The following NRF1 variants were observed in gnomAD, a reference collection of about 807,000 sequenced individuals.
NRF1 encodes nuclear respiratory factor 1.
A neutral mutation model predicts 58.5 loss-of-function variants in NRF1; 5 were observed. The observed-to-expected ratio is 0.09, with a 90% CI of 0.04 to 0.18. The LOEUF (loss-of-function observed/expected upper bound fraction) is 0.18. NRF1 is among the 10% of genes least tolerant of loss of function. The pLI is 1.00. For missense variants in NRF1, 288 were observed against 657.7 expected, an observed-to-expected ratio of 0.44 and a Z score of 6.15; for synonymous variants, 224 against 246.7, an observed-to-expected ratio of 0.91 and a Z score of 0.86.
At position 129,741,443 on chromosome 7, in the gene NRF1, A is replaced by C. The variant is rs1365633302; in HGVS notation, c.1349-13575A>C. Among the ~76,000 whole-genome samples the C allele has an allele frequency of 1.3e-5, 2 of 152,170 alleles. No homozygotes were observed. Among genetic ancestry groups the C allele is most frequent in the Admixed American group, 6.5e-5 (1 of 15,272 alleles). ...TCCAGCTCCTTATAAACCAAGACTG[A>C]ATCTTGTGCCTGTCATTGTGAGCGC... On this transcript the variant is annotated intron_variant, in intron 10 of 10. Coordinates refer to ENST00000393232, the MANE Select transcript of NRF1 (RefSeq NM_005011.5). The surrounding 1 kb of genome is among the most constrained non-coding windows in gnomAD (Gnocchi z 4.0).
chr7:129,720,636 G>A (rs1008773319), intron 9 of NRF1, among the ~76,000 whole-genome samples: 2 of 152,150 alleles, frequency 1.3e-5, no homozygotes, highest in South Asian at 2.1e-4. Context: ...AGGAAGCTAC[G>A]TGCAATGGCA....
intron 5 of NRF1, among the ~76,000 whole-genome samples, chr7:129,706,403 A>T (rs1305829482): frequency 6.6e-6 from 1 of 152,218 alleles, no homozygotes; most frequent in Admixed American, 6.5e-5. Flanking sequence ...TGGGCCAAAA[A>T]ATTAGAATAA....
intron 1 of NRF1, among the ~76,000 whole-genome samples, chr7:129,640,260 T>C (rs1801259885): frequency 6.6e-6 from 1 of 152,210 alleles, no homozygotes; most frequent in African/African-American, 2.4e-5. Context: ...TTCATGCCTG[T>C]AATCCAAGTA....
At chr7:129,743,544 G>T (rs1222933987) in intron 10 of NRF1, among the ~76,000 whole-genome samples, 1 of 152,172 alleles carries the variant, frequency 6.6e-6, no homozygotes, top group East Asian at 1.9e-4. Context: ...CCTGGAGAAA[G>T]CCCACGTAAA....
intron 10 of NRF1, among the ~76,000 whole-genome samples, chr7:129,750,086 G>C (rs188014365): frequency 2.8e-4 from 43 of 152,276 alleles, no homozygotes; most frequent in South Asian, 4.1e-4. Flanking sequence ...GGCTCAGAAA[G>C]GGGCTGTACT....
At chr7:129,686,756 G>T (rs1230651677) in intron 4 of NRF1, among the ~76,000 whole-genome samples, 1 of 152,218 alleles carries the variant, frequency 6.6e-6, no homozygotes, top group Non-Finnish European at 1.5e-5. Context: ...TTTGATTTAA[G>T]TGGTTGTTTA....
At chr7:129,644,912 C>G (rs1420582463) in intron 1 of NRF1, among the ~76,000 whole-genome samples, 1 of 152,036 alleles carries the variant, frequency 6.6e-6, no homozygotes, top group African/African-American at 2.4e-5. Flanking sequence ...TAGCATTTTT[C>G]TAGGGAGGAG....
At chr7:129,717,848 A>G (rs950626531) in intron 9 of NRF1, among the ~76,000 whole-genome samples, 10 of 152,234 alleles carry the variant, frequency 6.6e-5, no homozygotes, top group African/African-American at 2.4e-4. Context: ...CAAGGGATAC[A>G]GAACAAATTA....
At chr7:129,707,379 C>G (rs1802974122) in intron 5 of NRF1, among the ~76,000 whole-genome samples, 1 of 152,148 alleles carries the variant, frequency 6.6e-6, no homozygotes, top group African/African-American at 2.4e-5. Context: ...ATAAAGAATT[C>G]TCCTTTTTGG....
At chr7:129,705,759 A>T (rs1018725563) in intron 5 of NRF1, among the ~76,000 whole-genome samples, 2 of 151,978 alleles carry the variant, frequency 1.3e-5, no homozygotes, top group Non-Finnish European at 2.9e-5. Context: ...CTACAAAAAG[A>T]AAAAAAAGAA....
chr7:129,656,409 T>C (rs948536480), intron 1 of NRF1, among the ~76,000 whole-genome samples: 3 of 152,104 alleles, frequency 2.0e-5, no homozygotes, highest in Middle Eastern at 3.4e-3. Context: ...TCTATATATA[T>C]GTATGCTCCA....
chr7:129,755,448 G>A lies in NRF1; in HGVS notation c.*267G>A. ...TGGCAGGACTTCTTTCTGCGGAAATGTGTGTGTATACTTATGTGTGTGTAT... is the reference window on the plus strand; with the variant it reads ...TGGCAGGACTTCTTTCTGCGGAAATATGTGTGTATACTTATGTGTGTGTAT... On this transcript the variant is annotated 3_prime_UTR_variant, in exon 11 of 11. Coordinates refer to ENST00000393232, the MANE Select transcript of NRF1 (RefSeq NM_005011.5). The surrounding 1 kb of genome is among the most constrained non-coding windows in gnomAD (Gnocchi z 5.8). 5.4e-6 allele frequency: 2 copies of A among 373,426 alleles called. No homozygotes were observed. Among genetic ancestry groups the A allele is most frequent in the South Asian group, 5.7e-5 (2 of 35,102 alleles). The allele number at this position is 373,426 out of a possible 1,614,324, so 23.1% of individuals were successfully genotyped here.
At chr7:129,660,200 G>A (rs1055503560) in intron 2 of NRF1, among the ~76,000 whole-genome samples, 8 of 152,060 alleles carry the variant, frequency 5.3e-5, no homozygotes, top group East Asian at 1.9e-4. Context: ...ACCTCCCACC[G>A]GGTCCTTCCC....
chr7:129,652,735 C>T (rs975542556), intron 1 of NRF1, among the ~76,000 whole-genome samples: 5 of 152,118 alleles, frequency 3.3e-5, no homozygotes, highest in Non-Finnish European at 5.9e-5. Flanking sequence ...GGACTGCAGG[C>T]GCCCGCCACC....
intron 2 of NRF1, among the ~76,000 whole-genome samples, chr7:129,661,680 AT>A (rs1431156968): frequency 1.3e-5 from 2 of 150,822 alleles, no homozygotes; most frequent in Non-Finnish European, 2.9e-5. Context: ...CACTATCAGC[AT>A]TTTGGGCAAA....
intron 9 of NRF1, among the ~76,000 whole-genome samples, chr7:129,722,360 C>T (rs1000586206): frequency 6.0e-5 from 9 of 150,958 alleles, no homozygotes; most frequent in Non-Finnish European, 1.2e-4. Context: ...CAGTGCACTC[C>T]AGCCTGGGCC....
rs143882672 is a variant in NRF1, at chr7:129,657,483, G to T, written c.132G>T (p.Ser44=). The T allele has an allele frequency of 1.5e-4, 238 of 1,613,892 alleles. No individual in the cohort carries two copies. The highest frequency in any genetic ancestry group is 1.9e-4 in the Non-Finnish European group (220 of 1,180,010). The part of the protein sequence containing the change: ...EHSMLSADED[S]PSSPEDTSYD... Reference sequence around the variant, plus strand: ...GTATGCTGAGTGCTGATGAAGACTCGCCTTCTTCTCCCGAGGACACCTCTT... The same window carrying T: ...GTATGCTGAGTGCTGATGAAGACTCTCCTTCTTCTCCCGAGGACACCTCTT... The change falls in exon 2 of 11, where the codon TCG becomes TCT. Residue 44 remains serine (S), a synonymous_variant. Coordinates refer to ENST00000393232, the MANE Select transcript of NRF1 (RefSeq NM_005011.5).
rs143145418 is a variant in NRF1 at position 129,625,044 on chromosome 7, G to T, written c.-7+13220G>T. On this transcript the variant is annotated intron_variant, in intron 1 of 10. Coordinates refer to ENST00000393232, the MANE Select transcript of NRF1 (RefSeq NM_005011.5). ...TCTCTCACAGTTCTGGAGGCTAGGA[G>T]TCTGGAATCAAGGTGTTCACAGGGT... Among the ~76,000 whole-genome samples, 287 of 152,260 alleles carry T rather than the reference G, an allele frequency of 1.9e-3. 1 individual carries two copies. The highest frequency in any genetic ancestry group is 3.0e-3 in the Non-Finnish European group (207 of 68,012).
intron 5 of NRF1, among the ~76,000 whole-genome samples, chr7:129,699,227 G>A (rs1802763845): frequency 6.6e-6 from 1 of 152,128 alleles, no homozygotes; most frequent in African/African-American, 2.4e-5. Flanking sequence ...TATTCACACG[G>A]CTTTTGAGAT....
Sources: allele counts gnomAD v4.1 joint callset (sites outside exome capture counted in the v4.1 genomes callset), GRCh38; gene constraint gnomAD v4.1.1; non-coding constraint Gnocchi (gnomAD v3.1); transcripts MANE v1.5; gene names NCBI Gene and HGNC (gene_info 2026-07-23, HGNC 2026-07-21).